ADAMTSL1: variants seen among roughly 807,000 people sequenced by gnomAD.
ADAMTSL1 encodes ADAMTS-like protein 1.
In ADAMTSL1, 126 loss-of-function variants were observed where a neutral mutation model predicts 201.8. The observed-to-expected ratio is 0.62, with a 90% CI of 0.54 to 0.72. The LOEUF (loss-of-function observed/expected upper bound fraction) is 0.72. ADAMTSL1 is among the 30% of genes least tolerant of loss of function. The probability of loss-of-function intolerance (pLI) is 0.00; values close to 1 mark genes in which losing one functional copy is unlikely to be tolerated. For missense variants in ADAMTSL1, 2,679 were observed against 2,277.8 expected, an observed-to-expected ratio of 1.18 and a Z score of -3.59; for synonymous variants, 1,121 against 903.4, an observed-to-expected ratio of 1.24 and a Z score of -4.32.
chr9:17,982,855 G>A (rs917074457), intron 1 of ADAMTSL1, among the ~76,000 whole-genome samples: 1 of 151,722 alleles, frequency 6.6e-6, no homozygotes, highest in African/African-American at 2.4e-5. Flanking sequence ...TTATCACCAA[G>A]ATAATGGCAG....
chr9:18,729,565 G>A (rs531475514), intron 15 of ADAMTSL1, among the ~76,000 whole-genome samples: 9 of 152,272 alleles, frequency 5.9e-5, no homozygotes, highest in Middle Eastern at 3.4e-3. Context: ...CAAATATCCT[G>A]CATCCGTCCA....
At chr9:17,925,191 A>G (rs1826475085) in intron 1 of ADAMTSL1, among the ~76,000 whole-genome samples, 1 of 114,632 alleles carries the variant, frequency 8.7e-6, no homozygotes, top group African/African-American at 3.0e-5. Flanking sequence ...CAATCATTAA[A>G]AAGTCAGGAA....
chr9:18,467,427 T>C (rs1461011352), intron 2 of ADAMTSL1, among the ~76,000 whole-genome samples: 1 of 152,184 alleles, frequency 6.6e-6, no homozygotes, highest in African/African-American at 2.4e-5. Flanking sequence ...TTAAAACTTC[T>C]ATACAATAAA....
chr9:18,642,577 C>G (rs1827518573), intron 7 of ADAMTSL1, among the ~76,000 whole-genome samples: 1 of 151,968 alleles, frequency 6.6e-6, no homozygotes, highest in African/African-American at 2.4e-5. Context: ...ATTTCCCCCA[C>G]AGTTCACTTC....
intron 19 of ADAMTSL1, among the ~76,000 whole-genome samples, chr9:18,787,066 C>G (rs1052128441): frequency 3.3e-5 from 5 of 152,116 alleles, no homozygotes; most frequent in Non-Finnish European, 2.9e-5. Flanking sequence ...ATGTACAAGT[C>G]ATAAGCACAT....
chr9:18,811,026 A>C (rs931149032), intron 20 of ADAMTSL1, among the ~76,000 whole-genome samples: 1 of 149,994 alleles, frequency 6.7e-6, no homozygotes, highest in Non-Finnish European at 1.5e-5. Context: ...AAAAAAAAAA[A>C]AAAAAAAAAC....
chr9:18,222,909 T>C (rs1198171443), intron 2 of ADAMTSL1, among the ~76,000 whole-genome samples: 2 of 152,074 alleles, frequency 1.3e-5, no homozygotes, highest in African/African-American at 2.4e-5. Flanking sequence ...TATGTGGCTA[T>C]TGAAAATAGA....
At chr9:18,588,009 A>G (rs1363296548) in intron 4 of ADAMTSL1, among the ~76,000 whole-genome samples, 3 of 152,180 alleles carry the variant, frequency 2.0e-5, no homozygotes, top group African/African-American at 7.2e-5. Flanking sequence ...TTGCTGGATC[A>G]TATAGTAGTT....
chr9:18,844,992 G>A (rs183197419), intron 23 of ADAMTSL1, among the ~76,000 whole-genome samples: 10 of 152,292 alleles, frequency 6.6e-5, no homozygotes, highest in East Asian at 1.9e-4. Flanking sequence ...TGCGCTTCCC[G>A]AGTGAGGCAA....
intron 13 of ADAMTSL1, among the ~76,000 whole-genome samples, chr9:18,692,306 A>G (rs1336690691): frequency 6.6e-6 from 1 of 152,250 alleles, no homozygotes; most frequent in Non-Finnish European, 1.5e-5. Flanking sequence ...CTTGATCTCC[A>G]TGCGCAGAAA....
intron 14 of ADAMTSL1, among the ~76,000 whole-genome samples, chr9:18,714,332 A>G (rs1281967485): frequency 6.6e-6 from 1 of 152,084 alleles, no homozygotes; most frequent in Admixed American, 6.5e-5. Context: ...GAAAGGATCA[A>G]CAAAATTGAT....
chr9:18,331,808 C>A (rs1356939828), intron 2 of ADAMTSL1, among the ~76,000 whole-genome samples: 5 of 152,114 alleles, frequency 3.3e-5, no homozygotes. Context: ...TGGAGTCTTC[C>A]TTAATCCAGC....
chr9:18,044,050 T>C (rs569329950), intron 1 of ADAMTSL1, among the ~76,000 whole-genome samples: 3 of 149,776 alleles, frequency 2.0e-5, no homozygotes, highest in Non-Finnish European at 4.4e-5. Context: ...ACCATTGTTA[T>C]CATTGTGATC....
intron 14 of ADAMTSL1, among the ~76,000 whole-genome samples, chr9:18,714,597 C>A (rs1356729606): frequency 7.0e-6 from 1 of 143,100 alleles, no homozygotes; most frequent in African/African-American, 2.5e-5. Flanking sequence ...GAAATTGTGG[C>A]AATAATCAAT....
intron 1 of ADAMTSL1, among the ~76,000 whole-genome samples, chr9:18,123,795 C>G (rs1825610134): frequency 6.6e-6 from 1 of 152,272 alleles, no homozygotes; most frequent in Admixed American, 6.5e-5. Flanking sequence ...AGCCATTAAT[C>G]TATTTCATAT....
chr9:18,588,016 A>G (rs1052517183), intron 4 of ADAMTSL1, among the ~76,000 whole-genome samples: 1 of 152,100 alleles, frequency 6.6e-6, no homozygotes, highest in African/African-American at 2.4e-5. Context: ...ATCATATAGT[A>G]GTTCTAGTTT....
intron 2 of ADAMTSL1, among the ~76,000 whole-genome samples, chr9:18,423,771 A>G (rs574221981): frequency 6.6e-6 from 1 of 152,366 alleles, no homozygotes; most frequent in Non-Finnish European, 1.5e-5. Context: ...AAAATGTGCA[A>G]GAAATCCATC....
At chr9:18,645,340 C>G (rs1350207469) in intron 7 of ADAMTSL1, among the ~76,000 whole-genome samples, 1 of 152,092 alleles carries the variant, frequency 6.6e-6, no homozygotes, top group African/African-American at 2.4e-5. Context: ...TTGTAGGTTG[C>G]CTGTTCACTC....
At chr9:18,512,617 A>G (rs1818102203) in intron 2 of ADAMTSL1, among the ~76,000 whole-genome samples, 1 of 152,166 alleles carries the variant, frequency 6.6e-6, no homozygotes, top group Non-Finnish European at 1.5e-5. Context: ...GAATTTACCA[A>G]ATTATTAATT....
Sources: allele counts gnomAD v4.1 joint callset (sites outside exome capture counted in the v4.1 genomes callset), GRCh38; gene constraint gnomAD v4.1.1; transcripts MANE v1.5; gene names NCBI Gene and HGNC (gene_info 2026-07-23, HGNC 2026-07-21).